NRXN3: variants seen among roughly 807,000 people sequenced by gnomAD.
NRXN3 encodes the protein neurexin III.
A neutral mutation model predicts 137.6 loss-of-function variants in NRXN3; 32 were observed. That is an observed-to-expected ratio of 0.23 (90% CI 0.18 to 0.31). The LOEUF (loss-of-function observed/expected upper bound fraction) is 0.31, where lower values mean the gene tolerates loss of function less well. Among genes scored for constraint, NRXN3 ranks in the 10% least tolerant of loss-of-function variants. The probability of loss-of-function intolerance (pLI) is 1.00; values close to 1 mark genes in which losing one functional copy is unlikely to be tolerated. For missense variants in NRXN3, 1,574 were observed against 2,062.5 expected, an observed-to-expected ratio of 0.76 and a Z score of 4.59; for synonymous variants, 798 against 784.5, an observed-to-expected ratio of 1.02 and a Z score of -0.29.
intron 4 of NRXN3, among the ~76,000 whole-genome samples, chr14:78,346,009 G>A (rs1234623511): frequency 6.6e-6 from 1 of 152,154 alleles, no homozygotes; most frequent in Admixed American, 6.5e-5. Flanking sequence ...GCCATTAAAG[G>A]CTTTGGGACA....
In NRXN3 at chr14:78,968,048, T is replaced by TTC. The variant is rs2099425468; in HGVS notation, c.2969-125_2969-124insTC. The TTC allele has an allele frequency of 8.4e-4, 46 of 54,558 alleles. 10 individuals carry two copies. In the East Asian group the frequency reaches 0.014, roughly 17 times the overall value. 3.4% of individuals were successfully genotyped at this position (54,558 alleles called of 1,614,324 possible). A position where few individuals can be genotyped will look rare whatever the true frequency, so the allele number is the denominator to read the frequency against. ...TCAGGTGCTTATCTCATTTATGCTG[T>TTC]CCCCCCCCCCCCCCCCCAGCTATCT... On this transcript the variant is annotated intron_variant, in intron 13 of 20. Transcript: ENST00000335750.
chr14:79,720,387 C>A (rs1568004429), intron 19 of NRXN3, among the ~76,000 whole-genome samples: 1 of 152,048 alleles, frequency 6.6e-6, no homozygotes, highest in Non-Finnish European at 1.5e-5. Flanking sequence ...CAAACCATAT[C>A]AGGGAGTTAT....
rs530011034 is a variant in NRXN3 at position 79,731,643 on chromosome 14, CT to C, written c.4014+33720del. ...AAATGACCTATTTTTTCCCTTCCTT[CT>C]TTTTTTTTTTTTTGTATTTTTAGTA... On this transcript the variant is annotated intron_variant, in intron 19 of 20. Transcript: ENST00000335750. Among the ~76,000 whole-genome samples, 663 of 139,996 alleles carry C rather than the reference CT, an allele frequency of 4.7e-3. 3 individuals carry two copies. Among genetic ancestry groups the C allele is most frequent in the Non-Finnish European group, 6.2e-3 (401 of 64,700 alleles). 91.8% of individuals were successfully genotyped at this position (139,996 alleles called of 152,430 possible). A position where few individuals can be genotyped will look rare whatever the true frequency, so the allele number is the denominator to read the frequency against.
chr14:78,701,839 T>G (rs925723732), intron 6 of NRXN3, among the ~76,000 whole-genome samples: 3 of 152,238 alleles, frequency 2.0e-5, no homozygotes, highest in Non-Finnish European at 2.9e-5. Context: ...TGAACCTCAG[T>G]TCCAGTTTTC....
chr14:79,509,744 T>C (rs1289784795), intron 16 of NRXN3, among the ~76,000 whole-genome samples: 2 of 151,968 alleles, frequency 1.3e-5, no homozygotes, highest in Non-Finnish European at 2.9e-5. Flanking sequence ...TCCGTAAATA[T>C]ATAAAATTGT....
chr14:79,635,266 C>A (rs2098395252), intron 16 of NRXN3, among the ~76,000 whole-genome samples: 1 of 152,030 alleles, frequency 6.6e-6, no homozygotes, highest in African/African-American at 2.4e-5. Context: ...AAAAAGAAAA[C>A]CAGTAAGCAA....
chr14:79,131,665 A>G (rs374101191), intron 15 of NRXN3, among the ~76,000 whole-genome samples: 2 of 152,212 alleles, frequency 1.3e-5, no homozygotes, highest in African/African-American at 4.8e-5. Flanking sequence ...GGTGGAGCCT[A>G]CAGAGGCAGG....
intron 6 of NRXN3, among the ~76,000 whole-genome samples, chr14:78,689,414 A>G (rs2098150626): frequency 6.6e-6 from 1 of 152,272 alleles, no homozygotes; most frequent in Non-Finnish European, 1.5e-5. Flanking sequence ...TTTTTATAGC[A>G]CTTCTTGTTA....
chr14:79,169,757 A>G (rs1168547011), intron 15 of NRXN3, among the ~76,000 whole-genome samples: 1 of 152,116 alleles, frequency 6.6e-6, no homozygotes, highest in Non-Finnish European at 1.5e-5. Context: ...TTTTTCTAAC[A>G]ATTATATTTT....
At chr14:79,099,679 T>C (rs1159103432) in intron 15 of NRXN3, among the ~76,000 whole-genome samples, 2 of 152,198 alleles carry the variant, frequency 1.3e-5, no homozygotes, top group Non-Finnish European at 2.9e-5. Context: ...ACATGAGACA[T>C]TGACTGTAAT....
chr14:78,667,126 AC>A (rs1211447410), intron 6 of NRXN3, among the ~76,000 whole-genome samples: 15 of 151,860 alleles, frequency 9.9e-5, no homozygotes, highest in African/African-American at 3.6e-4. Context: ...GTCTTTTCTC[AC>A]TTCTGAATTC....
chr14:79,510,048 G>A (rs1216212249), intron 16 of NRXN3, among the ~76,000 whole-genome samples: 1 of 152,150 alleles, frequency 6.6e-6, no homozygotes, highest in African/African-American at 2.4e-5. Context: ...AGTCCTCAGG[G>A]AACTGTAAAA....
chr14:79,344,450 C>T (rs2092768662), intron 15 of NRXN3, among the ~76,000 whole-genome samples: 1 of 152,150 alleles, frequency 6.6e-6, no homozygotes, highest in Admixed American at 6.5e-5. Context: ...AAATGTAGAA[C>T]TTTTCAAACA....
At chr14:78,231,603 C>A (rs1179090273) in intron 1 of NRXN3, 3 of 152,148 alleles carry the variant, frequency 2.0e-5, no homozygotes, top group Non-Finnish European at 2.9e-5. Context: ...ACTGTTGTTC[C>A]TTCTCCTCAT....
intron 4 of NRXN3, among the ~76,000 whole-genome samples, chr14:78,336,103 T>C (rs2081435474): frequency 6.6e-6 from 1 of 152,120 alleles, no homozygotes; most frequent in East Asian, 1.9e-4. Flanking sequence ...CCATAGAGTA[T>C]GATTCAATAG....
At chr14:79,292,743 G>A (rs921779534) in intron 15 of NRXN3, among the ~76,000 whole-genome samples, 43 of 152,184 alleles carry the variant, frequency 2.8e-4, no homozygotes, top group African/African-American at 1.0e-3. Context: ...ATATGTGTGT[G>A]TTTGCTTTCA....
intron 15 of NRXN3, among the ~76,000 whole-genome samples, chr14:79,242,743 C>A (rs2153349976): frequency 6.6e-6 from 1 of 152,300 alleles, no homozygotes; most frequent in South Asian, 2.1e-4. Context: ...TCAGCTCCAT[C>A]AGTCAGATTC....
intron 10 of NRXN3, among the ~76,000 whole-genome samples, chr14:78,908,591 A>G (rs551737376): frequency 3.5e-4 from 54 of 152,242 alleles, no homozygotes; most frequent in Non-Finnish European, 7.2e-4. Flanking sequence ...GAAAATGTGC[A>G]TTATGAAAAA....
At chr14:78,781,413 T>A (rs757339301) in intron 8 of NRXN3, among the ~76,000 whole-genome samples, 3 of 152,162 alleles carry the variant, frequency 2.0e-5, no homozygotes, top group Admixed American at 6.5e-5. Context: ...AGGTTACAGG[T>A]ATGTAGATAT....
Sources: allele counts gnomAD v4.1 joint callset (sites outside exome capture counted in the v4.1 genomes callset), GRCh38; gene constraint gnomAD v4.1.1; transcripts MANE v1.5; gene names NCBI Gene and HGNC (gene_info 2026-07-23, HGNC 2026-07-21).